GSTM5: variants seen among roughly 807,000 people sequenced by gnomAD.
The protein encoded by GSTM5 is GST class-mu 5.
In GSTM5, 24 loss-of-function variants were observed where a neutral mutation model predicts 29.0. That is an observed-to-expected ratio of 0.83 (90% CI 0.60 to 1.16). The LOEUF (loss-of-function observed/expected upper bound fraction) is 1.16. Among genes scored for constraint, GSTM5 ranks in the 50% most tolerant of loss-of-function variants. The probability of loss-of-function intolerance (pLI) is 0.00; values close to 1 mark genes in which losing one functional copy is unlikely to be tolerated. For synonymous variants in GSTM5, 91 were observed against 93.6 expected (o/e 0.97, Z 0.16); for missense variants, 290 against 263.0 (o/e 1.10, Z -0.71).
Position 109,715,005 on chromosome 1 carries a change from A to G in GSTM5, c.419A>G (p.Glu140Gly). 1 of 1,614,258 alleles carries G rather than the reference A, an allele frequency of 6.2e-7. No homozygotes were observed. The highest frequency in any genetic ancestry group is 1.6e-4 in the Middle Eastern group (1 of 6,062). ...CCTGAAAAGCTAAAGCTCTACTCAG[A>G]GTTTCTGGGGAAGCGGCCATGGTTT... Reference protein sequence around the residue: ...ELPEKLKLYSEFLGKRPWFAG... With the variant: ...ELPEKLKLYSGFLGKRPWFAG... The change falls in exon 6 of 8, where the codon GAG becomes GGG. Residue 140 changes from glutamate to glycine, a missense_variant. By Grantham distance (98) the Glu-to-Gly change is moderately conservative. Transcript: ENST00000256593.
rs188736734 is a variant in GSTM5 at position 109,712,990 on chromosome 1, A to G, written c.113-129A>G. The G allele has an allele frequency of 7.6e-4, 802 of 1,054,760 alleles. No individual in the cohort carries two copies. The highest frequency in any genetic ancestry group is 1.0e-3 in the Non-Finnish European group (717 of 690,532). The allele number at this position is 1,054,760 out of a possible 1,614,324, so 65.3% of individuals were successfully genotyped here. A position where few individuals can be genotyped will look rare whatever the true frequency, so the allele number is the denominator to read the frequency against. ...GGATTCTTTCTCCCTGAACCCTGGGATGTGGGACTGAGTGGTCAGATTCTA... is the reference window on the plus strand; with the variant it reads ...GGATTCTTTCTCCCTGAACCCTGGGGTGTGGGACTGAGTGGTCAGATTCTA... On this transcript the variant is annotated intron_variant, in intron 2 of 7. Transcript: ENST00000256593.
At chr1:109,712,770 G>A (rs1195652880) in intron 2 of GSTM5, 77 bp downstream of exon 2, 8 of 1,521,868 alleles carry the variant, frequency 5.3e-6, no homozygotes, top group Middle Eastern at 1.7e-4. Context: ...GCCACCTGTG[G>A]CTGCCTCTGC....
Position 109,713,658 on chromosome 1 carries a change from C to T in GSTM5, c.260-3C>T. 6.2e-7 allele frequency: 1 copy of T among 1,614,130 alleles called. No homozygotes were observed. Among genetic ancestry groups the T allele is most frequent in the Non-Finnish European group, 8.5e-7 (1 of 1,180,010 alleles). ...GATTGAGTCTGTGTTTTGTGGGTGG[C>T]AGGTGGGGAGACAGAAGAGGAGAAG... On this transcript the variant is annotated splice_region_variant and splice_polypyrimidine_tract_variant and intron_variant, in intron 4 of 7. Coordinates refer to ENST00000256593, the MANE Select transcript of GSTM5 (RefSeq NM_000851.4).
In GSTM5 at chr1:109,712,277, T is replaced by G; in HGVS notation, c.-36T>G. The stretch of plus-strand genomic sequence containing the variant: ...TCTCAAAGTCTGAGCCCCGCTCCGC[T>G]GATGCCTGTCTGCAGAATCCGCACC... On this transcript the variant is annotated 5_prime_UTR_variant, in exon 1 of 8. Transcript: ENST00000256593. 6.2e-7 allele frequency: 1 copy of G among 1,613,354 alleles called. No individual in the cohort carries two copies. The highest frequency in any genetic ancestry group is 8.5e-7 in the Non-Finnish European group (1 of 1,179,360).
intron 2 of GSTM5, 147 bp from the exon 3 acceptor site, chr1:109,712,972 T>C (rs1417579692): frequency 5.8e-5 from 59 of 1,014,576 alleles, no homozygotes; most frequent in South Asian, 5.2e-4. Flanking sequence ...GTGGGATTCT[T>C]TCTCCCTGAA....
intron 7 of GSTM5, chr1:109,715,873 G>A (rs1387918169): frequency 5.5e-6 from 3 of 547,332 alleles, no homozygotes; most frequent in African/African-American, 1.9e-5. Flanking sequence ...GCTCTGTGCT[G>A]GGGCACTCTC....
At position 109,717,412 on chromosome 1, in the gene GSTM5, TG is replaced by T. The variant is rs1209606882; in HGVS notation, c.645del (p.Trp215Ter). Reference protein sequence around the residue: ...RGLLFGKSATWNSK With the variant: ...RGLLFGKSATXNSK ...TCTTTTGTTTGGAAAGTCAGCTACA[TG>T]GAACAGCAAATAGGGCCCAGTGATG... On this transcript the variant is annotated frameshift_variant, in exon 8 of 8. Transcript: ENST00000256593. LOFTEE classifies it high-confidence loss of function. 6.2e-7 allele frequency: 1 copy of T among 1,613,506 alleles called. No individual in the cohort carries two copies. Among genetic ancestry groups the T allele is most frequent in the Non-Finnish European group, 8.5e-7 (1 of 1,179,466 alleles).
At chr1:109,714,680 C>G in intron 5 of GSTM5, 1 of 516,796 alleles carries the variant, frequency 1.9e-6, no homozygotes, top group South Asian at 2.4e-5. Context: ...GGCGCTCATG[C>G]GGCTGACCCA....
chr1:109,713,084 TG>T, intron 2 of GSTM5, 34 bp from the exon 3 acceptor site: 2 of 1,611,784 alleles, frequency 1.2e-6, no homozygotes, highest in South Asian at 2.2e-5. Context: ...GGCTGGGCTC[TG>T]GGGAGGTTTG....
In GSTM5 at chr1:109,712,627, G is replaced by A. The variant is rs1163966620; in HGVS notation, c.46G>A (p.Ala16Thr). 4 of 1,613,772 alleles carry A rather than the reference G, an allele frequency of 2.5e-6. No homozygotes were observed. Among genetic ancestry groups the A allele is most frequent in the Non-Finnish European group, 2.5e-6 (3 of 1,179,910 alleles). Residue 16 changes from alanine to threonine, a missense_variant, in exon 2 of 8, where the codon GCC (alanine) becomes ACC (threonine). Transcript: ENST00000256593. ...GGGCCATCTCTCCCAGCTGGCCCAC[G>A]CCATCCGCTTGCTCCTGGAATACAC... ...GYWDIRGLAH[A>T]IRLLLEYTDS... is the part of the protein sequence containing the mutation.
rs1378143311 is a variant in GSTM5 at position 109,717,704 on chromosome 1, CTT to C, written c.*281_*282del. 1 of 385,632 alleles carries C rather than the reference CTT, an allele frequency of 2.6e-6. No homozygotes were observed. Among genetic ancestry groups the C allele is most frequent in the Admixed American group, 3.8e-5 (1 of 26,092 alleles). 23.9% of individuals were successfully genotyped at this position (385,632 alleles called of 1,614,324 possible). A position where few individuals can be genotyped will look rare whatever the true frequency, so the allele number is the denominator to read the frequency against. On this transcript the variant is annotated 3_prime_UTR_variant, in exon 8 of 8. Coordinates refer to ENST00000256593, the MANE Select transcript of GSTM5 (RefSeq NM_000851.4). Reference sequence around the variant, plus strand: ...AACCTGACTGCTTTTCCTGTCAGTGCTTTTCTCTTCTTTGAGAAGCCAGACTG... The same window carrying C: ...AACCTGACTGCTTTTCCTGTCAGTGCTTCTCTTCTTTGAGAAGCCAGACTG...
At chr1:109,713,878 T>G (rs568131362) in intron 5 of GSTM5, 117 bp downstream of exon 5, 79 of 504,274 alleles carry the variant, frequency 1.6e-4, no homozygotes, top group African/African-American at 1.4e-3. Context: ...GAGACGTCTA[T>G]AACCTGGTTC....
In GSTM5 at chr1:109,715,424, A is replaced by G. The variant is rs529575067; in HGVS notation, c.567+184A>G. ...AATTTGAAATTTCCAACATTCCTAC[A>G]GGGTGACAGAATTATCTTGCCCATT... On this transcript the variant is annotated intron_variant, in intron 7 of 7. Transcript: ENST00000256593. 6 of 1,547,950 alleles carry G rather than the reference A, an allele frequency of 3.9e-6. No homozygotes were observed. In the South Asian group the frequency reaches 4.8e-5, roughly 12 times the overall value.
intron 7 of GSTM5, chr1:109,716,304 A>T (rs934120727): frequency 5.1e-6 from 1 of 194,404 alleles, no homozygotes. Context: ...GCTAGTTCCC[A>T]TCAGCTCTGG....
At position 109,715,156 on chromosome 1, in the gene GSTM5, T is replaced by G. The variant is rs200263181; in HGVS notation, c.483T>G (p.Tyr161Ter). The G allele has an allele frequency of 6.2e-7, 1 of 1,614,256 alleles. No individual in the cohort carries two copies. Among genetic ancestry groups the G allele is most frequent in the Non-Finnish European group, 8.5e-7 (1 of 1,180,048 alleles). ...TCACCTTTGTGGATTTCCTTGCCTA[T>G]GATGTCCTTGACATGAAGCGTATAT... The part of the protein sequence containing the change: ...DKITFVDFLA[Y>*]DVLDMKRIFE... Residue 161 changes from tyrosine to a stop codon, truncating the protein, a stop_gained, in exon 7 of 8, where the codon TAT (tyrosine) becomes TAG (stop). Transcript: ENST00000256593. LOFTEE classifies it high-confidence loss of function.
At position 109,712,765 on chromosome 1, in the gene GSTM5, C is replaced by T. The variant is rs546249249; in HGVS notation, c.112+72C>T. On this transcript the variant is annotated intron_variant, in intron 2 of 7. Coordinates refer to ENST00000256593, the MANE Select transcript of GSTM5 (RefSeq NM_000851.4). ...GCACCAAGCAACCCATGGTGGCCAC[C>T]TGTGGCTGCCTCTGCAGGCCTCCCC... is the stretch of plus-strand genomic sequence containing the variant. 343 of 1,528,790 alleles carry T rather than the reference C, an allele frequency of 2.2e-4. 2 individuals carry two copies. In the South Asian group the frequency reaches 3.6e-3, roughly 16 times the overall value. The allele number at this position is 1,528,790 out of a possible 1,614,324, so 94.7% of individuals were successfully genotyped here. A position where few individuals can be genotyped will look rare whatever the true frequency, so the allele number is the denominator to read the frequency against.
chr1:109,715,151 G>C lies in GSTM5; in HGVS notation c.478G>C (p.Ala160Pro). The C allele has an allele frequency of 6.2e-7, 1 of 1,614,176 alleles. No homozygotes were observed. Among genetic ancestry groups the C allele is most frequent in the Non-Finnish European group, 8.5e-7 (1 of 1,180,024 alleles). ...TCAGATCACCTTTGTGGATTTCCTT[G>C]CCTATGATGTCCTTGACATGAAGCG... ...GDKITFVDFL[A>P]YDVLDMKRIF... The change falls in exon 7 of 8, where the codon GCC (alanine) becomes CCC (proline). Residue 160 changes from alanine (A) to proline (P), a missense_variant. Transcript: ENST00000256593.
chr1:109,717,771 T>C lies in GSTM5; in HGVS notation c.*345T>C. ...TAGCACTGTCCTCAAAGACCATCTGTATGCCCTGCTCCCTTTGCTGGGTCC... is the reference window on the plus strand; with the variant it reads ...TAGCACTGTCCTCAAAGACCATCTGCATGCCCTGCTCCCTTTGCTGGGTCC... On this transcript the variant is annotated 3_prime_UTR_variant, in exon 8 of 8. Coordinates refer to ENST00000256593, the MANE Select transcript of GSTM5 (RefSeq NM_000851.4). 1 of 220,468 alleles carries C rather than the reference T, an allele frequency of 4.5e-6. No homozygotes were observed. Among genetic ancestry groups the C allele is most frequent in the East Asian group, 1.2e-4 (1 of 8,206 alleles). The allele number at this position is 220,468 out of a possible 1,614,324, so 13.7% of individuals were successfully genotyped here. A position where few individuals can be genotyped will look rare whatever the true frequency, so the allele number is the denominator to read the frequency against.
At chr1:109,716,194 T>C (rs1648740012) in intron 7 of GSTM5, 1 of 251,184 alleles carries the variant, frequency 4.0e-6, no homozygotes, top group Non-Finnish European at 7.9e-6. Flanking sequence ...CAAATCCTAC[T>C]TTAGTACAGA....
Sources: gnomAD v4.1 joint callset for allele counts on GRCh38, gnomAD v4.1.1 for gene constraint, MANE v1.5 for transcripts, NCBI Gene and HGNC (gene_info 2026-07-23, HGNC 2026-07-21) for gene names.